Variants in TRA2B observed in about 807,000 individuals in gnomAD.
TRA2B encodes transformer 2 beta homolog.
Under a neutral mutation model 41.7 loss-of-function variants are expected in TRA2B, and 14 were observed. The ratio of observed to expected loss-of-function variants is 0.34; its 90% CI spans 0.22 to 0.53. TRA2B has a LOEUF of 0.53. Among genes scored for constraint, TRA2B ranks in the 20% least tolerant of loss-of-function variants. TRA2B has a pLI of 0.95. For missense variants in TRA2B, 167 were observed against 396.8 expected (o/e 0.42, Z 4.92); for synonymous variants, 130 against 128.8 (o/e 1.01, Z -0.06).
At chr3:185,936,486 G>A (rs754313628) in intron 1 of TRA2B, 1 of 985,280 alleles carries the variant, frequency 1.0e-6, no homozygotes, top group African/African-American at 1.7e-5. Flanking sequence ...AAATTAAGCA[G>A]TTTGGGCTCC....
chr3:185,931,106 G>A (rs142274681), intron 1 of TRA2B, among the ~76,000 whole-genome samples: 1 of 152,290 alleles, frequency 6.6e-6, no homozygotes, highest in East Asian at 1.9e-4. Context: ...TTTGTTCAAT[G>A]CTTTGTTTGG....
In TRA2B at chr3:185,918,394, G is replaced by C; in HGVS notation, c.827C>G (p.Ser276Ter). 6.2e-7 allele frequency: 1 copy of C among 1,613,720 alleles called. No homozygotes were observed. Among genetic ancestry groups the C allele is most frequent in the Non-Finnish European group, 8.5e-7 (1 of 1,179,768 alleles). ...SPYYSRGGYR[S>*]RSRSRSYSPR... ...TGAGTATGATCGAGATCTGGAACGT[G>C]ATCTGTATCCTCCACGACTATAGTA... Residue 276 changes from serine to a stop codon, truncating the protein, a stop_gained, in exon 8 of 9, where the codon TCA becomes TGA. Coordinates refer to ENST00000453386, the MANE Select transcript of TRA2B (RefSeq NM_004593.3). LOFTEE classifies it high-confidence loss of function.
intron 1 of TRA2B, chr3:185,928,119 A>C (rs1040588315): frequency 6.6e-6 from 1 of 152,244 alleles, no homozygotes; most frequent in Non-Finnish European, 1.5e-5. Flanking sequence ...TTACAGCTCA[A>C]AACACTTTAG....
At chr3:185,937,352 G>A (rs1744403201) in intron 1 of TRA2B, 1 of 995,232 alleles carries the variant, frequency 1.0e-6, no homozygotes, top group African/African-American at 1.7e-5. Context: ...CTGTCCCCTT[G>A]CACCCCACCA....
At position 185,917,571 on chromosome 3, in the gene TRA2B, T is replaced by G; in HGVS notation, c.*144A>C. 1 of 717,428 alleles carries G rather than the reference T, an allele frequency of 1.4e-6. No individual in the cohort carries two copies. Among genetic ancestry groups the G allele is most frequent in the South Asian group, 2.2e-5 (1 of 46,020 alleles). The allele number at this position is 717,428 out of a possible 1,614,324, so 44.4% of individuals were successfully genotyped here. A position where few individuals can be genotyped will look rare whatever the true frequency, so the allele number is the denominator to read the frequency against. On this transcript the variant is annotated 3_prime_UTR_variant, in exon 9 of 9. Transcript: ENST00000453386. ...TGCAGAATGAAAACAGCATTTCAAC[T>G]CCACCAAAAGTAGTCATCGTAAAAG...
chr3:185,933,118 T>C (rs1401374511), intron 1 of TRA2B, among the ~76,000 whole-genome samples: 1 of 152,166 alleles, frequency 6.6e-6, no homozygotes, highest in Non-Finnish European at 1.5e-5. Flanking sequence ...AATGTAATCA[T>C]GGAATCAGAA....
chr3:185,936,301 C>CT (rs1305592199), intron 1 of TRA2B: 93 of 985,306 alleles, frequency 9.4e-5, no homozygotes, highest in Admixed American at 1.2e-4. Context: ...GAAGTCACGA[C>CT]TTTTTAACAA....
At chr3:185,927,119 G>A (rs1743981357) in intron 1 of TRA2B, 1 of 153,054 alleles carries the variant, frequency 6.5e-6, no homozygotes, top group African/African-American at 2.4e-5. Flanking sequence ...CAATCAAGTT[G>A]CAATCAATAA....
rs147075178 is a variant in TRA2B, at chr3:185,915,282, C to T, written c.*2433G>A. ...AAAACTATTTAACTTAGCAATCTTCCAAATGAACTTTACATTTGGTTTTAG... is the reference window on the plus strand; with the variant it reads ...AAAACTATTTAACTTAGCAATCTTCTAAATGAACTTTACATTTGGTTTTAG... On this transcript the variant is annotated 3_prime_UTR_variant, in exon 9 of 9. Transcript: ENST00000453386. 6.6e-6 allele frequency among the ~76,000 whole-genome samples: 1 copy of T among 152,314 alleles called. No homozygotes were observed. Among genetic ancestry groups the T allele is most frequent in the East Asian group, 1.9e-4 (1 of 5,184 alleles).
intron 1 of TRA2B, chr3:185,931,387 T>C (rs1744151014): frequency 4.6e-6 from 1 of 217,268 alleles, no homozygotes; most frequent in Non-Finnish European, 7.9e-6. Flanking sequence ...TGCCTGGTGC[T>C]TGACTACTAA....
chr3:185,930,179 G>T (rs1344405110), intron 1 of TRA2B, among the ~76,000 whole-genome samples: 2 of 152,120 alleles, frequency 1.3e-5, no homozygotes, highest in African/African-American at 4.8e-5. Context: ...GTGGGCTGGG[G>T]GTTAAGAGGT....
At chr3:185,924,848 C>T (rs1743883708) in intron 3 of TRA2B, 1 of 152,088 alleles carries the variant, frequency 6.6e-6, no homozygotes, top group Admixed American at 6.6e-5. Flanking sequence ...AAAGAGTGAG[C>T]CATATGTTGC....
At chr3:185,921,466 CTATT>C (rs1451622087) in intron 5 of TRA2B, among the ~76,000 whole-genome samples, 1 of 152,142 alleles carries the variant, frequency 6.6e-6, no homozygotes, top group East Asian at 1.9e-4. Flanking sequence ...TCACTTTGCT[CTATT>C]TAAGAAAATT....
rs561148331 is a variant in TRA2B, at chr3:185,931,048, C to A, written c.37-4314G>T. Among the ~76,000 whole-genome samples the A allele has an allele frequency of 5.3e-5, 8 of 152,308 alleles. No homozygotes were observed. In the South Asian group the frequency reaches 1.7e-3, roughly 32 times the overall value. ...GGGCCCAAATGCTCACAGATTTCCA[C>A]TAGTGCCATATGGAAAAAACTAACA... On this transcript the variant is annotated intron_variant, in intron 1 of 8. Transcript: ENST00000453386.
At chr3:185,936,988 C>CA in intron 1 of TRA2B, 3 of 985,396 alleles carry the variant, frequency 3.0e-6, no homozygotes, top group Non-Finnish European at 3.6e-6. Context: ...CGCCTCAAAA[C>CA]AAAGGAAATA....
Position 185,917,738 on chromosome 3 carries a change from G to C in TRA2B, c.857-13C>G. On this transcript the variant is annotated splice_polypyrimidine_tract_variant and intron_variant, in intron 8 of 8. Coordinates refer to ENST00000453386, the MANE Select transcript of TRA2B (RefSeq NM_004593.3). ...CTTTAATAGCGACCTGGGAAGAAAA[G>C]AATGAACATGCTTTAATATTAAGTG... The C allele has an allele frequency of 6.2e-7, 1 of 1,612,170 alleles. No homozygotes were observed.
intron 1 of TRA2B, chr3:185,934,406 T>C: frequency 1.0e-6 from 1 of 985,414 alleles, no homozygotes; most frequent in Non-Finnish European, 1.2e-6. Flanking sequence ...TTTCAACCTT[T>C]TGGCAAAACC....
chr3:185,931,744 CTTTCT>C (rs980089765), intron 1 of TRA2B: 29 of 1,469,310 alleles, frequency 2.0e-5, no homozygotes, highest in Middle Eastern at 1.7e-4. Flanking sequence ...AGCATGCATT[CTTTCT>C]TTTATTTTTT....
intron 1 of TRA2B, chr3:185,935,330 C>T (rs1217159542): frequency 6.1e-6 from 6 of 983,846 alleles, no homozygotes; most frequent in Non-Finnish European, 7.2e-6. Context: ...TAGTGTTAAT[C>T]TATTACCTTT....
Sources: gnomAD v4.1 joint callset for allele counts (sites outside exome capture counted in the v4.1 genomes callset) on GRCh38, gnomAD v4.1.1 for gene constraint, MANE v1.5 for transcripts, NCBI Gene and HGNC (gene_info 2026-07-23, HGNC 2026-07-21) for gene names.